The following VCL variants were observed in gnomAD, a reference collection of about 807,000 sequenced individuals.
VCL encodes epididymis luminal protein 114.
VCL carries 47 observed loss-of-function variants against 125.7 expected under a neutral mutation model. The ratio of observed to expected loss-of-function variants is 0.37; its 90% CI spans 0.30 to 0.48. The LOEUF is 0.48. VCL is among the 20% of genes least tolerant of loss of function. The pLI, the probability that VCL is intolerant of heterozygous loss-of-function variation, is 0.99. For missense variants in VCL, 1,069 were observed against 1,455.5 expected, an observed-to-expected ratio of 0.73 and a Z score of 4.32; for synonymous variants, 458 against 514.6, an observed-to-expected ratio of 0.89 and a Z score of 1.49.
chr10:74,033,661 T>C (rs1459976902), intron 1 of VCL, among the ~76,000 whole-genome samples: 1 of 152,244 alleles, frequency 6.6e-6, no homozygotes, highest in Non-Finnish European at 1.5e-5. Flanking sequence ...TCATTCATTA[T>C]CCATGGCTTT....
chr10:74,052,625 C>T (rs1841323648), intron 2 of VCL, among the ~76,000 whole-genome samples: 1 of 152,086 alleles, frequency 6.6e-6, no homozygotes, highest in African/African-American at 2.4e-5. Flanking sequence ...GATCTGCTCA[C>T]CTTGGCCTAC....
At chr10:74,023,465 T>C (rs886949710) in intron 1 of VCL, among the ~76,000 whole-genome samples, 2 of 152,224 alleles carry the variant, frequency 1.3e-5, no homozygotes, top group Admixed American at 1.3e-4. Context: ...CATTAAGCAA[T>C]GTATGACTGT....
chr10:74,120,956 A>T (rs1840433457), downstream of VCL: 1 of 152,272 alleles, frequency 6.6e-6, no homozygotes, highest in Non-Finnish European at 1.5e-5. Context: ...CTAAAATAGT[A>T]GGAGCAGGTT....
At chr10:74,003,202 A>G (rs919483879) in intron 1 of VCL, among the ~76,000 whole-genome samples, 1 of 151,992 alleles carries the variant, frequency 6.6e-6, no homozygotes. Context: ...CCTCCCAGGT[A>G]GCAGGGATTA....
At chr10:73,998,744 G>A (rs1229993337) in intron 1 of VCL, among the ~76,000 whole-genome samples, 2 of 152,206 alleles carry the variant, frequency 1.3e-5, no homozygotes, top group Non-Finnish European at 2.9e-5. Flanking sequence ...CGCAGGCTTC[G>A]CCCCCACGTT....
chr10:74,103,683 T>C lies in VCL; in HGVS notation c.2023-137T>C, dbSNP rs1840091728. On this transcript the variant is annotated intron_variant, in intron 14 of 21. Coordinates refer to ENST00000211998, the MANE Select transcript of VCL (RefSeq NM_014000.3). ...CTGTTTATTGAGACCAAACCTCATG[T>C]ATTCAGCCTGAAAAGAGACTTGCCA... 3 of 783,034 alleles carry C rather than the reference T, an allele frequency of 3.8e-6. No individual in the cohort carries two copies. In the Admixed American group the frequency reaches 6.0e-5, roughly 16 times the overall value. 48.5% of individuals were successfully genotyped at this position (783,034 alleles called of 1,614,324 possible). A position where few individuals can be genotyped will look rare whatever the true frequency, so the allele number is the denominator to read the frequency against.
chr10:74,099,782 T>C (rs760829844), intron 13 of VCL, among the ~76,000 whole-genome samples: 4 of 152,162 alleles, frequency 2.6e-5, no homozygotes, highest in African/African-American at 9.7e-5. Context: ...GTAAAAGAAC[T>C]GAGGCCACGG....
At chr10:74,056,358 G>A (rs1410595411) in intron 2 of VCL, among the ~76,000 whole-genome samples, 1 of 151,968 alleles carries the variant, frequency 6.6e-6, no homozygotes, top group Non-Finnish European at 1.5e-5. Context: ...ATTGACAAAT[G>A]GAAATTGTAT....
At chr10:74,054,185 G>A (rs56314304) in intron 2 of VCL, among the ~76,000 whole-genome samples, 6,933 of 151,968 alleles carry the variant, frequency 0.046, 541 homozygotes, top group African/African-American at 0.16. Flanking sequence ...ATTTTTTATA[G>A]CCTAATTTGT....
intron 20 of VCL, 39 bp downstream of exon 20, chr10:74,114,426 TGTGTGTGTGTGC>T: frequency 1.3e-6 from 2 of 1,583,962 alleles, no homozygotes. Context: ...TGTGTGTGTG[TGTGTGTGTGTGC>T]GTGTGTGTGT....
intron 12 of VCL, among the ~76,000 whole-genome samples, chr10:74,096,108 T>C (rs1839964118): frequency 6.6e-6 from 1 of 151,954 alleles, no homozygotes; most frequent in Admixed American, 6.6e-5. Flanking sequence ...TATCCACATA[T>C]CATCTGTACT....
chr10:74,095,718 C>A lies in VCL; in HGVS notation c.1606C>A (p.Pro536Thr), dbSNP rs370058111. The stretch of plus-strand genomic sequence containing the variant: ...TCGTCTGGCTAATGTTATGATGGGG[C>A]CTTATCGGCAAGATCTTCTCGCCAA... ...GHRLANVMMG[P>T]YRQDLLAKCD... Residue 536 changes from proline to threonine, a missense_variant, in exon 12 of 22, where the codon CCT becomes ACT. Around this residue, in one of 6 missense-constraint regions of VCL, gnomAD observed 760 missense variants for 928.9 expected, o/e 0.82. Coordinates refer to ENST00000211998, the MANE Select transcript of VCL (RefSeq NM_014000.3). The A allele has an allele frequency of 9.3e-6, 15 of 1,614,054 alleles. No homozygotes were observed. The African/African-American group carries it at 1.1e-4, about 11-fold the overall frequency.
intron 11 of VCL, among the ~76,000 whole-genome samples, chr10:74,094,988 T>G (rs761079182): frequency 3.3e-5 from 5 of 152,142 alleles, no homozygotes; most frequent in Non-Finnish European, 5.9e-5. Flanking sequence ...CCCAGTGTTG[T>G]GAGGAGTTGG....
In VCL at chr10:74,089,214, G is replaced by C. The variant is rs373079313; in HGVS notation, c.1041G>C (p.Pro347=). ...DLRARGQGSS[P]VAMQKAQQVS... ...TGAGCAGAGGACAAGGATCCTCACC[G>C]GTGGCCATGCAGAAAGCTCAGCAGG... Residue 347 remains proline (P), a synonymous_variant, in exon 9 of 22, where the codon CCG becomes CCC. Coordinates refer to ENST00000211998, the MANE Select transcript of VCL (RefSeq NM_014000.3). The C allele has an allele frequency of 2.6e-5, 42 of 1,613,900 alleles. No individual in the cohort carries two copies. The highest frequency in any genetic ancestry group is 3.4e-5 in the Non-Finnish European group (40 of 1,179,976).
chr10:74,085,840 A>G (rs545098752), intron 8 of VCL, among the ~76,000 whole-genome samples: 2 of 152,070 alleles, frequency 1.3e-5, no homozygotes, highest in Admixed American at 6.6e-5. Context: ...ATAAGAATGC[A>G]GATCTTATTT....
chr10:74,043,378 C>A (rs1283425482), intron 2 of VCL, among the ~76,000 whole-genome samples: 1 of 150,918 alleles, frequency 6.6e-6, no homozygotes, highest in African/African-American at 2.4e-5. Context: ...CGGAGTTTCA[C>A]CCTCGTCACC....
chr10:74,075,179 G>T (rs1839561888), intron 6 of VCL: 1 of 431,470 alleles, frequency 2.3e-6, no homozygotes, highest in Non-Finnish European at 4.2e-6. Flanking sequence ...GAGTCTTATT[G>T]GTTGGACTGG....
chr10:74,023,087 A>C (rs1840702703), intron 1 of VCL, among the ~76,000 whole-genome samples: 1 of 152,196 alleles, frequency 6.6e-6, no homozygotes, highest in African/African-American at 2.4e-5. Flanking sequence ...ATATTTATTG[A>C]GGAATGAAGA....
Position 74,103,641 on chromosome 10 carries a change from G to A in VCL, c.2023-179G>A, listed in dbSNP as rs145982302. ...TGTGATGGTAAAACCTTCCTGTGAAGGGCCCATTCTGGGGAGCTGTTTATT... is the reference window on the plus strand; with the variant it reads ...TGTGATGGTAAAACCTTCCTGTGAAAGGCCCATTCTGGGGAGCTGTTTATT... On this transcript the variant is annotated intron_variant, in intron 14 of 21. Coordinates refer to ENST00000211998, the MANE Select transcript of VCL (RefSeq NM_014000.3). Among the ~76,000 whole-genome samples, 161 of 152,314 alleles carry A rather than the reference G, an allele frequency of 1.1e-3. 1 individual carries two copies. Among genetic ancestry groups the A allele is most frequent in the African/African-American group, 3.7e-3 (153 of 41,562 alleles).
Sources: allele counts gnomAD v4.1 joint callset (sites outside exome capture counted in the v4.1 genomes callset), GRCh38; gene constraint gnomAD v4.1.1; regional missense constraint gnomAD v4.1.1; transcripts MANE v1.5; gene names NCBI Gene and HGNC (gene_info 2026-07-23, HGNC 2026-07-21).